The following PRH1 variants were observed in gnomAD, a reference collection of about 807,000 sequenced individuals.
The protein encoded by PRH1 is salivary acidic proline-rich phosphoprotein 1/2.
A neutral mutation model predicts 7.9 loss-of-function variants in PRH1; 7 were observed. The observed-to-expected ratio is 0.89, with a 90% CI of 0.50 to 1.67. The LOEUF is 1.67. Among genes scored for constraint, PRH1 ranks in the 40% most tolerant of loss-of-function variants. PRH1 has a pLI of 0.00. For missense variants in PRH1, 109 were observed against 223.6 expected (o/e 0.49, Z 3.27); for synonymous variants, 45 against 80.8 (o/e 0.56, Z 2.38).
intron 2 of PRH1, chr12:10,973,357 A>C: frequency 4.0e-6 from 1 of 247,748 alleles, no homozygotes; most frequent in Non-Finnish European, 7.6e-6. Context: ...ATTTCTTTTC[A>C]GTTTTGATAA....
intron 1 of PRH1, among the ~76,000 whole-genome samples, chr12:11,023,813 C>G (rs1941777423): frequency 6.6e-6 from 1 of 152,240 alleles, no homozygotes; most frequent in South Asian, 2.1e-4. Flanking sequence ...TCACCAGAGC[C>G]ATCCACCAAA....
rs143833452 is a variant in PRH1 at position 11,030,680 on chromosome 12, G to A, written c.-126+16340C>T. 286 of 1,614,146 alleles carry A rather than the reference G, an allele frequency of 1.8e-4. No individual in the cohort carries two copies. The African/African-American group carries it at 3.3e-3, about 18-fold the overall frequency. On this transcript the variant is annotated intron_variant, in intron 1 of 3. Transcript: ENST00000539853. ...AGCTTTTATGTGGACCTTGGTGCTG[G>A]GATCTTGAGATCCTTTACCATGGAG...
chr12:11,158,574 T>C (rs930187680), intron 1 of PRH1, among the ~76,000 whole-genome samples: 3 of 152,196 alleles, frequency 2.0e-5, no homozygotes, highest in Non-Finnish European at 4.4e-5. Context: ...CAGGCATTAT[T>C]ATAGTAGAGA....
At chr12:11,145,424 C>G (rs1279283264) in intron 1 of PRH1, among the ~76,000 whole-genome samples, 1 of 152,044 alleles carries the variant, frequency 6.6e-6, no homozygotes, top group Non-Finnish European at 1.5e-5. Flanking sequence ...AACTCCTGAC[C>G]TCAAATAATC....
At chr12:11,163,442 G>GT (rs138003807) in intron 1 of PRH1, among the ~76,000 whole-genome samples, 3,985 of 152,180 alleles carry the variant, frequency 0.026, 169 homozygotes, top group African/African-American at 0.09. Context: ...CTACAACATA[G>GT]TTTTTTTATC....
At chr12:11,026,677 C>A (rs12229231) in intron 1 of PRH1, among the ~76,000 whole-genome samples, 5,974 of 152,206 alleles carry the variant, frequency 0.039, 174 homozygotes, top group South Asian at 0.12. Flanking sequence ...ACCTATCTGG[C>A]CTCTATCAAA....
At chr12:11,030,649 T>C (rs761046167) in intron 1 of PRH1, 2 of 1,614,100 alleles carry the variant, frequency 1.2e-6, no homozygotes, top group African/African-American at 2.7e-5. Flanking sequence ...AGATCACAGT[T>C]TGCAAAGCTT....
At chr12:11,029,521 T>A (rs1942081993) in intron 1 of PRH1, among the ~76,000 whole-genome samples, 1 of 152,408 alleles carries the variant, frequency 6.6e-6, no homozygotes, top group South Asian at 2.1e-4. Flanking sequence ...TAATTAGCAA[T>A]TCAGGGGCTT....
At chr12:11,085,188 C>T (rs1366843867) in intron 1 of PRH1, among the ~76,000 whole-genome samples, 1 of 146,246 alleles carries the variant, frequency 6.8e-6, no homozygotes, top group African/African-American at 2.5e-5. Context: ...TTGTTATGAA[C>T]AAGTATAATT....
At chr12:11,136,649 G>C (rs1479668592) in intron 1 of PRH1, among the ~76,000 whole-genome samples, 1 of 152,026 alleles carries the variant, frequency 6.6e-6, no homozygotes, top group African/African-American at 2.4e-5. Flanking sequence ...ATTTTATACA[G>C]CAAACATTCA....
chr12:11,024,575 AT>A (rs1941815726), intron 1 of PRH1, among the ~76,000 whole-genome samples: 1 of 152,234 alleles, frequency 6.6e-6, no homozygotes, highest in Non-Finnish European at 1.5e-5. Context: ...TGGAATCAAC[AT>A]TTTGTATCCA....
In PRH1 at chr12:10,893,902, C is replaced by T. The variant is rs534603985; in HGVS notation, c.-58-9627G>A. Reference sequence around the variant, plus strand: ...ATTTATTACTGTTACCTTAAACTTGCGATTGTGTTCTTTTATTTAACCTGC... The same window carrying T: ...ATTTATTACTGTTACCTTAAACTTGTGATTGTGTTCTTTTATTTAACCTGC... On this transcript the variant is annotated intron_variant, in intron 2 of 3. Transcript: ENST00000539853. Among the ~76,000 whole-genome samples the T allele has an allele frequency of 5.3e-5, 8 of 151,968 alleles. No individual in the cohort carries two copies. The East Asian group carries it at 5.8e-4, about 11-fold the overall frequency.
chr12:11,133,090 A>C (rs7313796), intron 1 of PRH1: 137,777 of 613,824 alleles, frequency 0.22, 16,025 homozygotes, highest in Non-Finnish European at 0.23. Context: ...AATAAAAAGC[A>C]TGTTATTGTC....
At chr12:11,139,296 G>T (rs1946641682) in intron 1 of PRH1, among the ~76,000 whole-genome samples, 1 of 151,962 alleles carries the variant, frequency 6.6e-6, no homozygotes, top group African/African-American at 2.4e-5. Flanking sequence ...ACCAAACCTT[G>T]GTCAGAAAAT....
rs376408921 is a variant in PRH1, at chr12:11,062,025, T to G, written n.124-14837A>C. 154 of 1,613,760 alleles carry G rather than the reference T, an allele frequency of 9.5e-5. 1 individual carries two copies. Among genetic ancestry groups the G allele is most frequent in the South Asian group, 3.8e-4 (35 of 91,066 alleles). On this transcript the variant is annotated intron_variant and non_coding_transcript_variant, in intron 1 of 4. Coordinates refer to the PRH1 transcript ENST00000541977. ...CAAGCCAGTTGCTGAAATGGTTGAT[T>G]ACTGCCCAGACATTGTAAGCAGTAA...
intron 2 of PRH1, among the ~76,000 whole-genome samples, chr12:10,953,986 C>T (rs75540025): frequency 6.6e-6 from 1 of 152,074 alleles, no homozygotes; most frequent in Admixed American, 6.6e-5. Flanking sequence ...GAATGTCCGA[C>T]CAAGAATTTC....
chr12:11,125,718 G>A (rs1338769337), intron 1 of PRH1, among the ~76,000 whole-genome samples: 2 of 120,776 alleles, frequency 1.7e-5, no homozygotes, highest in Non-Finnish European at 3.8e-5. Flanking sequence ...TACTATATTG[G>A]AAATTCACTA....
upstream of PRH1, among the ~76,000 whole-genome samples, chr12:11,051,637 T>A (rs749294636): frequency 1.8e-4 from 28 of 152,160 alleles, no homozygotes; most frequent in Admixed American, 3.9e-4. Context: ...TAATTTATGA[T>A]GATCATTTTT....
chr12:11,156,983 C>G (rs1351050707), intron 1 of PRH1, among the ~76,000 whole-genome samples: 2 of 151,732 alleles, frequency 1.3e-5, no homozygotes, highest in Non-Finnish European at 2.9e-5. Flanking sequence ...GTAGCTGGGT[C>G]TATAGGCACC....
Sources: gnomAD v4.1 joint callset for allele counts (sites outside exome capture counted in the v4.1 genomes callset) on GRCh38, gnomAD v4.1.1 for gene constraint, MANE v1.5 for transcripts, NCBI Gene and HGNC (gene_info 2026-07-23, HGNC 2026-07-21) for gene names.